ADK: variants seen among roughly 807,000 people sequenced by gnomAD.
ADK encodes the protein N6,N6-dimethyladenosine kinase.
Under a neutral mutation model 44.7 loss-of-function variants are expected in ADK, and 24 were observed. The observed-to-expected ratio is 0.54, with a 90% CI of 0.39 to 0.76. ADK has a LOEUF of 0.76. Among genes scored for constraint, ADK ranks in the 30% least tolerant of loss-of-function variants. ADK has a pLI of 0.00. For missense variants in ADK, 321 were observed against 425.1 expected (o/e 0.76, Z 2.15); for synonymous variants, 128 against 142.6 (o/e 0.90, Z 0.73).
In ADK at chr10:74,274,407, C is replaced by A. The variant is rs1846574576; in HGVS notation, c.195-40260C>A. Among the ~76,000 whole-genome samples the A allele has an allele frequency of 4.6e-5, 7 of 151,978 alleles. No individual in the cohort carries two copies. In the South Asian group the frequency reaches 1.5e-3, roughly 32 times the overall value. ...TAAAACCCTGTCTCTACTAAAAATA[C>A]AAAAATTAGCTCGTGGTGGTGGCAG... On this transcript the variant is annotated intron_variant, in intron 3 of 10. Coordinates refer to ENST00000539909, the MANE Select transcript of ADK (RefSeq NM_006721.4).
intron 3 of ADK, among the ~76,000 whole-genome samples, chr10:74,309,872 TAA>T (rs1425040631): frequency 1.3e-5 from 2 of 152,164 alleles, no homozygotes; most frequent in African/African-American, 4.8e-5. Context: ...TCATAAACTA[TAA>T]GTGTTTATGT....
intron 6 of ADK, among the ~76,000 whole-genome samples, chr10:74,455,603 T>C (rs1315878428): frequency 6.6e-6 from 1 of 152,044 alleles, no homozygotes; most frequent in African/African-American, 2.4e-5. Flanking sequence ...TCTGCTTCCC[T>C]GGTTCAAGCA....
intron 6 of ADK, among the ~76,000 whole-genome samples, chr10:74,501,766 T>A (rs915097725): frequency 1.3e-5 from 2 of 152,190 alleles, no homozygotes; most frequent in African/African-American, 4.8e-5. Flanking sequence ...TCACATATTG[T>A]ATGATTCCAT....
intron 6 of ADK, among the ~76,000 whole-genome samples, chr10:74,442,372 A>G (rs971747325): frequency 4.6e-5 from 7 of 152,202 alleles, no homozygotes; most frequent in African/African-American, 1.4e-4. Flanking sequence ...TCGGCCGGGC[A>G]TGGTGGCTCA....
At chr10:74,408,620 AACT>A (rs1409085509) in intron 6 of ADK, among the ~76,000 whole-genome samples, 2 of 152,236 alleles carry the variant, frequency 1.3e-5, no homozygotes, top group African/African-American at 4.8e-5. Context: ...TCAAAAACTT[AACT>A]ACTAATAGTA....
At chr10:74,424,278 C>T (rs951621753) in intron 6 of ADK, among the ~76,000 whole-genome samples, 3 of 152,036 alleles carry the variant, frequency 2.0e-5, no homozygotes, top group African/African-American at 7.2e-5. Context: ...GTGGCTCATG[C>T]CTGTAATCCC....
At chr10:74,220,373 A>C (rs28886966) in intron 2 of ADK, among the ~76,000 whole-genome samples, 18,384 of 152,130 alleles carry the variant, frequency 0.12, 1,127 homozygotes, top group Middle Eastern at 0.2. Flanking sequence ...TTGTGGCAAT[A>C]ATCAATAGCT....
At chr10:74,323,574 CTTTTT>C (rs869227224) in intron 4 of ADK, among the ~76,000 whole-genome samples, 2 of 143,754 alleles carry the variant, frequency 1.4e-5, no homozygotes, top group East Asian at 2.0e-4. Flanking sequence ...CTTTTCTTTT[CTTTTT>C]TTTTTTTTTG....
chr10:74,703,766 A>G (rs1856511658), intron 10 of ADK, among the ~76,000 whole-genome samples: 1 of 152,222 alleles, frequency 6.6e-6, no homozygotes, highest in African/African-American at 2.4e-5. Flanking sequence ...ATGTAAGAGA[A>G]TATCCTTATT....
At chr10:74,244,907 T>C (rs1845358326) in intron 3 of ADK, among the ~76,000 whole-genome samples, 1 of 152,238 alleles carries the variant, frequency 6.6e-6, no homozygotes, top group Admixed American at 6.5e-5. Context: ...GCTAATGAAA[T>C]ACACTTTTCA....
intron 9 of ADK, among the ~76,000 whole-genome samples, chr10:74,602,857 A>C (rs1379263084): frequency 1.3e-5 from 2 of 152,198 alleles, no homozygotes; most frequent in Non-Finnish European, 2.9e-5. Flanking sequence ...CATTGCAGCC[A>C]AATAAATGTC....
chr10:74,672,773 T>TTA (rs1390525468), intron 10 of ADK, among the ~76,000 whole-genome samples: 1 of 152,188 alleles, frequency 6.6e-6, no homozygotes, highest in Non-Finnish European at 1.5e-5. Context: ...CTTAAACACT[T>TTA]TATATATATA....
chr10:74,247,224 G>GTTTTTTTTTTTTTTTTTTT (rs142274121), intron 3 of ADK, among the ~76,000 whole-genome samples: 36 of 72,004 alleles, frequency 5.0e-4, no homozygotes, highest in Non-Finnish European at 6.8e-4. Context: ...TTTTTTTTAA[G>GTTTTTTTTTTTTTTTTTTT]TTTTTTTTTT....
At chr10:74,279,403 T>C (rs1053677438) in intron 3 of ADK, among the ~76,000 whole-genome samples, 1 of 151,922 alleles carries the variant, frequency 6.6e-6, no homozygotes, top group Non-Finnish European at 1.5e-5. Context: ...CTGGCCAATA[T>C]AGTGAAACCC....
chr10:74,188,782 A>T (rs1256707842), intron 1 of ADK, among the ~76,000 whole-genome samples: 1 of 148,904 alleles, frequency 6.7e-6, no homozygotes, highest in African/African-American at 2.5e-5. Flanking sequence ...TCATTCATAC[A>T]TTCATTCAGA....
intron 7 of ADK, 131 bp downstream of exon 7, chr10:74,525,557 A>G: frequency 1.2e-6 from 1 of 800,112 alleles, no homozygotes; most frequent in Non-Finnish European, 1.9e-6. Context: ...AGAATTGTGC[A>G]ACAAAATTGC....
At chr10:74,189,537 G>A (rs1842888217) in intron 1 of ADK, among the ~76,000 whole-genome samples, 1 of 152,104 alleles carries the variant, frequency 6.6e-6, no homozygotes, top group Non-Finnish European at 1.5e-5. Context: ...TGAATTTAGT[G>A]TTCTATAATT....
chr10:74,247,224 G>GTTTTTTTTTTTTTTTTTTTTTTTTTATTT (rs142274121), intron 3 of ADK, among the ~76,000 whole-genome samples: 1 of 72,004 alleles, frequency 1.4e-5, no homozygotes, highest in African/African-American at 6.1e-5. Context: ...TTTTTTTTAA[G>GTTTTTTTTTTTTTTTTTTTTTTTTTATTT]TTTTTTTTTT....
chr10:74,331,632 C>T (rs533692252), intron 4 of ADK, among the ~76,000 whole-genome samples: 2 of 152,012 alleles, frequency 1.3e-5, no homozygotes, highest in African/African-American at 4.8e-5. Flanking sequence ...TTACAGGCGC[C>T]TGCCACCACA....
Sources: gnomAD v4.1 joint callset for allele counts (sites outside exome capture counted in the v4.1 genomes callset) on GRCh38, gnomAD v4.1.1 for gene constraint, MANE v1.5 for transcripts, NCBI Gene and HGNC (gene_info 2026-07-23, HGNC 2026-07-21) for gene names.